SLC25A26: variants seen among roughly 807,000 people sequenced by gnomAD.
SLC25A26 encodes the protein mitochondrial S-adenosylmethionine carrier protein.
SLC25A26 carries 36 observed loss-of-function variants against 37.8 expected under a neutral mutation model. The ratio of observed to expected loss-of-function variants is 0.95; its 90% CI spans 0.73 to 1.26. The LOEUF is 1.26. SLC25A26 is among the 50% of genes most tolerant of loss of function. The pLI is 0.00. For missense variants in SLC25A26, 390 were observed against 331.1 expected (o/e 1.18, Z -1.38); for synonymous variants, 129 against 122.5 (o/e 1.05, Z -0.35).
At chr3:66,358,478 G>T (rs1157465145) in intron 6 of SLC25A26, among the ~76,000 whole-genome samples, 2 of 152,178 alleles carry the variant, frequency 1.3e-5, no homozygotes, top group African/African-American at 4.8e-5. Context: ...TAGAAATTGT[G>T]ATTTGCGTGT....
At chr3:66,187,574 C>A (rs1463986753) in intron 1 of SLC25A26, among the ~76,000 whole-genome samples, 2 of 152,028 alleles carry the variant, frequency 1.3e-5, no homozygotes, top group Non-Finnish European at 2.9e-5. Context: ...GAACTTTACC[C>A]TGAACCTTAA....
Position 66,274,009 on chromosome 3 carries a change from G to T in SLC25A26, c.453+10630G>T, listed in dbSNP as rs1482661330. ...ACCTGACTTCAAACTATACTACAAG[G>T]CTTCAGTAACCAAAACAGCATGGTA... is the stretch of plus-strand genomic sequence containing the variant. On this transcript the variant is annotated intron_variant, in intron 5 of 9. Transcript: ENST00000354883. Among the ~76,000 whole-genome samples, 9 of 152,250 alleles carry T rather than the reference G, an allele frequency of 5.9e-5. No homozygotes were observed. The East Asian group carries it at 1.4e-3, about 23-fold the overall frequency.
At chr3:66,377,572 CTGTT>C (rs1700745757) in intron 9 of SLC25A26, 114 bp from the exon 10 acceptor site, 1 of 705,514 alleles carries the variant, frequency 1.4e-6, no homozygotes, top group African/African-American at 1.8e-5. Context: ...CGTTCACAAG[CTGTT>C]TGGTAGTTAG....
chr3:66,301,995 C>T (rs145249920), intron 5 of SLC25A26, among the ~76,000 whole-genome samples: 25 of 152,256 alleles, frequency 1.6e-4, no homozygotes, highest in African/African-American at 5.5e-4. Flanking sequence ...AGGACAGTGC[C>T]TGAAATACAG....
Position 66,304,567 on chromosome 3 carries a change from A to G in SLC25A26, c.453+41188A>G, listed in dbSNP as rs374809288. 27 of 440,364 alleles carry G rather than the reference A, an allele frequency of 6.1e-5. 1 individual carries two copies. The highest frequency in any genetic ancestry group is 4.4e-4 in the South Asian group (27 of 61,350). 27.3% of individuals were successfully genotyped at this position (440,364 alleles called of 1,614,324 possible). ...GCTCTGTAACAACCCCTGATTGCTGAACATGCTAACTGGGATATACGCTAC... is the reference window on the plus strand; with the variant it reads ...GCTCTGTAACAACCCCTGATTGCTGGACATGCTAACTGGGATATACGCTAC... On this transcript the variant is annotated intron_variant, in intron 5 of 9. Transcript: ENST00000354883.
At chr3:66,167,033 T>C (rs1157022398) in intron 1 of SLC25A26, among the ~76,000 whole-genome samples, 2 of 152,318 alleles carry the variant, frequency 1.3e-5, no homozygotes, top group African/African-American at 2.4e-5. Context: ...CCATGTGAGA[T>C]GTGCCTTTCA....
chr3:66,361,530 C>T (rs930309466), intron 6 of SLC25A26, among the ~76,000 whole-genome samples: 9 of 152,166 alleles, frequency 5.9e-5, no homozygotes, highest in African/African-American at 9.7e-5. Flanking sequence ...ATGTAAAGAA[C>T]TCTTAAAATG....
chr3:66,194,385 A>G (rs2071004619), intron 1 of SLC25A26, among the ~76,000 whole-genome samples: 1 of 152,196 alleles, frequency 6.6e-6, no homozygotes, highest in Admixed American at 6.5e-5. Flanking sequence ...CTCCAATGAC[A>G]GAGGTGCTCA....
intron 6 of SLC25A26, among the ~76,000 whole-genome samples, chr3:66,349,481 T>C (rs973349128): frequency 6.6e-6 from 1 of 150,882 alleles, no homozygotes; most frequent in Non-Finnish European, 1.5e-5. Flanking sequence ...GTGCTTTGCT[T>C]TTTTTTTTAC....
intron 1 of SLC25A26, among the ~76,000 whole-genome samples, chr3:66,153,170 C>G (rs1320536105): frequency 6.6e-6 from 1 of 152,118 alleles, no homozygotes. Flanking sequence ...CTACTGATAA[C>G]TTTTGGTGTT....
At chr3:66,359,706 T>C (rs1427988351) in intron 6 of SLC25A26, among the ~76,000 whole-genome samples, 1 of 152,254 alleles carries the variant, frequency 6.6e-6, no homozygotes, top group Non-Finnish European at 1.5e-5. Context: ...TTGTTTCTTA[T>C]TCTTTCTGCA....
At chr3:66,291,000 T>C (rs1455459736) in intron 5 of SLC25A26, among the ~76,000 whole-genome samples, 2 of 152,226 alleles carry the variant, frequency 1.3e-5, no homozygotes, top group African/African-American at 4.8e-5. Flanking sequence ...GAGCCTGTTA[T>C]TGGTCTATTC....
chr3:66,256,772 G>A (rs913213739), intron 3 of SLC25A26, among the ~76,000 whole-genome samples: 5 of 152,104 alleles, frequency 3.3e-5, no homozygotes, highest in East Asian at 1.9e-4. Context: ...TGGCACACCC[G>A]TAGTCCCAGC....
intron 5 of SLC25A26, among the ~76,000 whole-genome samples, chr3:66,319,489 A>G (rs1407627057): frequency 1.3e-5 from 2 of 152,164 alleles, no homozygotes; most frequent in Non-Finnish European, 2.9e-5. Flanking sequence ...TAGATAATTT[A>G]CCTTTGAAAC....
At chr3:66,260,370 A>G (rs2073477373) in intron 3 of SLC25A26, among the ~76,000 whole-genome samples, 1 of 152,202 alleles carries the variant, frequency 6.6e-6, no homozygotes, top group African/African-American at 2.4e-5. Context: ...GTGGAAAAAT[A>G]TGTTGGCCCA....
chr3:66,204,272 A>G (rs1229987217), intron 1 of SLC25A26, among the ~76,000 whole-genome samples: 1 of 151,872 alleles, frequency 6.6e-6, no homozygotes, highest in Non-Finnish European at 1.5e-5. Context: ...TAAAATACAA[A>G]AAAATTAGCC....
chr3:66,331,792 C>A (rs1214757828), intron 5 of SLC25A26, among the ~76,000 whole-genome samples: 1 of 152,072 alleles, frequency 6.6e-6, no homozygotes, highest in African/African-American at 2.4e-5. Context: ...TGTGACTTTC[C>A]CCACCAACTT....
Position 66,362,943 on chromosome 3 carries a change from T to G in SLC25A26, c.568+14T>G, listed in dbSNP as rs2076744414. 6.4e-7 allele frequency: 1 copy of G among 1,566,470 alleles called. No homozygotes were observed. Among genetic ancestry groups the G allele is most frequent in the Non-Finnish European group, 8.7e-7 (1 of 1,148,578 alleles). Reference sequence around the variant, plus strand: ...GAGCTTTTGCAGGTGCAAAGGATTATATTATACTGGGAAAGACCAAAGAGG... The same window carrying G: ...GAGCTTTTGCAGGTGCAAAGGATTAGATTATACTGGGAAAGACCAAAGAGG... On this transcript the variant is annotated intron_variant, in intron 7 of 9. Transcript: ENST00000354883.
At chr3:66,358,023 G>C (rs2076616138) in intron 6 of SLC25A26, among the ~76,000 whole-genome samples, 1 of 152,136 alleles carries the variant, frequency 6.6e-6, no homozygotes, top group Admixed American at 6.5e-5. Context: ...TAGGTAGTCA[G>C]TAAATCCCAA....
Sources: gnomAD v4.1 joint callset for allele counts (sites outside exome capture counted in the v4.1 genomes callset) on GRCh38, gnomAD v4.1.1 for gene constraint, MANE v1.5 for transcripts, NCBI Gene and HGNC (gene_info 2026-07-23, HGNC 2026-07-21) for gene names.